The following ZNF808 variants were observed in gnomAD, a reference collection of about 807,000 sequenced individuals.
ZNF808 encodes the protein zinc finger protein 808.
A neutral mutation model predicts 8.7 loss-of-function variants in ZNF808; 5 were observed. The observed-to-expected ratio is 0.58, with a 90% CI of 0.30 to 1.21. The LOEUF (loss-of-function observed/expected upper bound fraction) is 1.21, where lower values mean the gene tolerates loss of function less well. Among genes scored for constraint, ZNF808 ranks in the 50% most tolerant of loss-of-function variants. The pLI is 0.07. For synonymous variants in ZNF808, 380 were observed against 366.0 expected (o/e 1.04, Z -0.44); for missense variants, 1,103 against 1,098.4 (o/e 1.00, Z -0.06).
intron 1 of ZNF808, among the ~76,000 whole-genome samples, chr19:52,530,528 T>G (rs1339699159): frequency 6.6e-6 from 1 of 152,076 alleles, no homozygotes; most frequent in Non-Finnish European, 1.5e-5. Flanking sequence ...CCAGGCATGG[T>G]GGCAGATGCC....
At chr19:52,543,632 C>A (rs2059693803) in intron 3 of ZNF808, among the ~76,000 whole-genome samples, 1 of 152,104 alleles carries the variant, frequency 6.6e-6, no homozygotes, top group Admixed American at 6.6e-5. Context: ...GGGGTGTGGG[C>A]CCGTTGATGT....
At chr19:52,557,746 A>G (rs2059842978), downstream of ZNF808, among the ~76,000 whole-genome samples, 1 of 152,182 alleles carries the variant, frequency 6.6e-6, no homozygotes, top group Non-Finnish European at 1.5e-5. Context: ...AATCTTGCAA[A>G]AGAAGTTTCT....
rs1205044682 is a variant in ZNF808 at position 52,556,332 on chromosome 19, T to C, written c.*704T>C. On this transcript the variant is annotated 3_prime_UTR_variant, in exon 5 of 5. Coordinates refer to ENST00000359798, the MANE Select transcript of ZNF808 (RefSeq NM_001039886.4). Reference sequence around the variant, plus strand: ...TGTTTCTTATTTTCTTATTTATTTATTTATTTATTTTGAGATGGAGTGTCA... The same window carrying C: ...TGTTTCTTATTTTCTTATTTATTTACTTATTTATTTTGAGATGGAGTGTCA... 6.0e-6 allele frequency: 1 copy of C among 166,830 alleles called. No individual in the cohort carries two copies. The highest frequency in any genetic ancestry group is 1.3e-5 in the Non-Finnish European group (1 of 77,396). The allele number at this position is 166,830 out of a possible 1,614,324, so 10.3% of individuals were successfully genotyped here.
chr19:52,559,507 G>C (rs1326706262), downstream of ZNF808, among the ~76,000 whole-genome samples: 2 of 152,056 alleles, frequency 1.3e-5, no homozygotes, highest in Non-Finnish European at 2.9e-5. Flanking sequence ...TCAGAGGCCG[G>C]TGCAGGCGCG....
At chr19:52,531,947 A>G (rs989011638) in intron 1 of ZNF808, among the ~76,000 whole-genome samples, 19 of 152,174 alleles carry the variant, frequency 1.2e-4, no homozygotes, top group Admixed American at 1.2e-3. Context: ...CATGTATTTC[A>G]GTCTTATAGT....
intron 4 of ZNF808, among the ~76,000 whole-genome samples, chr19:52,549,535 T>C (rs2059754974): frequency 6.6e-6 from 1 of 152,168 alleles, no homozygotes; most frequent in African/African-American, 2.4e-5. Flanking sequence ...CCCTTGCCCA[T>C]ATTGTAATTT....
intron 2 of ZNF808, 28 bp from the exon 3 acceptor site, chr19:52,543,238 A>T (rs1300190387): frequency 6.2e-7 from 1 of 1,608,076 alleles, no homozygotes; most frequent in African/African-American, 1.3e-5. Context: ...CATTTCTAAC[A>T]TGAAGTCTTA....
intron 2 of ZNF808, chr19:52,536,042 G>A (rs55680236): frequency 0.017 from 2,774 of 166,240 alleles, 76 homozygotes; most frequent in African/African-American, 0.063. Context: ...GTCGTACCGC[G>A]GCGCGTGAGT....
chr19:52,564,458 A>C, exon 4 of ZNF808: 1 of 231,778 alleles, frequency 4.3e-6, no homozygotes, highest in Non-Finnish European at 8.3e-6. Flanking sequence ...TAGATTACCT[A>C]AATTTCTGTT....
intron 4 of ZNF808, 108 bp downstream of exon 4, chr19:52,547,746 T>TG: frequency 3.3e-6 from 5 of 1,517,306 alleles, no homozygotes; most frequent in African/African-American, 2.8e-5. Flanking sequence ...CTGGTTTTTT[T>TG]TTTTTTTTTT....
chr19:52,536,124 C>T, intron 2 of ZNF808: 1 of 153,126 alleles, frequency 6.5e-6, no homozygotes, highest in Non-Finnish European at 1.5e-5. Flanking sequence ...GTGGGGTCCC[C>T]ACGGACCTGG....
chr19:52,553,772 C>T lies in ZNF808; in HGVS notation c.856C>T (p.Pro286Ser). ...TCGTAGATGTCACACTGGAGAGAAA[C>T]CTTACAAGTGTAAAGAGTGTGGAAA... ...CHRRCHTGEK[P>S]YKCKECGKSF... The change falls in exon 5 of 5, where the codon CCT becomes TCT. Residue 286 changes from proline to serine, a missense_variant. Physicochemically the swap from Pro to Ser is moderately conservative, Grantham distance 74. Transcript: ENST00000359798. 3.7e-6 allele frequency: 6 copies of T among 1,614,096 alleles called. No homozygotes were observed. The highest frequency in any genetic ancestry group is 1.3e-5 in the African/African-American group (1 of 75,016).
rs756952792 is a variant in ZNF808 at position 52,554,524 on chromosome 19, G to C, written c.1608G>C (p.Glu536Asp). 2.5e-6 allele frequency: 4 copies of C among 1,614,138 alleles called. No individual in the cohort carries two copies. Among genetic ancestry groups the C allele is most frequent in the Non-Finnish European group, 3.4e-6 (4 of 1,180,016 alleles). ...ACCATCGTAGACTTCACACTCTAGA[G>C]AAATCTTACAAATGTACGGTTTGTA... Reference protein sequence around the residue: ...LVYHRRLHTLEKSYKCTVCNK... With the variant: ...LVYHRRLHTLDKSYKCTVCNK... The change falls in exon 5 of 5, where the codon GAG (glutamate) becomes GAC (aspartate). Residue 536 changes from glutamate (E) to aspartate (D), a missense_variant. By Grantham distance (45) the Glu-to-Asp change is conservative. Transcript: ENST00000359798.
Position 52,555,033 on chromosome 19 carries a change from C to T in ZNF808, c.2117C>T (p.Pro706Leu), listed in dbSNP as rs1267141093. ...KHTRIHSGMK[P>L]YKCNECSKTF... ...ACTAGAATTCACAGTGGAATGAAAC[C>T]TTACAAGTGTAATGAGTGCAGCAAG... is the stretch of plus-strand genomic sequence containing the variant. The change falls in exon 5 of 5, where the codon CCT becomes CTT. Residue 706 changes from proline (P) to leucine (L), a missense_variant. Transcript: ENST00000359798. The T allele has an allele frequency of 6.2e-7, 1 of 1,613,898 alleles. No individual in the cohort carries two copies.
chr19:52,565,482 A>T (rs1253838345), downstream of ZNF808, among the ~76,000 whole-genome samples: 1 of 151,792 alleles, frequency 6.6e-6, no homozygotes, highest in African/African-American at 2.4e-5. Flanking sequence ...TGTGGGCCTC[A>T]AGATCTCCAC....
chr19:52,529,423 A>G (rs1025595836), intron 1 of ZNF808, among the ~76,000 whole-genome samples: 8 of 152,134 alleles, frequency 5.3e-5, no homozygotes, highest in African/African-American at 9.7e-5. Context: ...AGATCAGTGG[A>G]TGAGTTCATT....
intron 2 of ZNF808, among the ~76,000 whole-genome samples, chr19:52,533,727 A>G (rs1184035965): frequency 1.3e-5 from 2 of 150,490 alleles, no homozygotes; most frequent in African/African-American, 4.9e-5. Context: ...ATGGTGGCAC[A>G]TGCCTGTAGT....
At chr19:52,542,150 A>G (rs977453275) in intron 2 of ZNF808, among the ~76,000 whole-genome samples, 4 of 151,702 alleles carry the variant, frequency 2.6e-5, no homozygotes, top group African/African-American at 9.7e-5. Context: ...CTGGAGTGCA[A>G]TGCCACGATC....
rs2059793964 is a variant in ZNF808 at position 52,553,133 on chromosome 19, G to A, written c.217G>A (p.Glu73Lys). 1 of 1,568,808 alleles carries A rather than the reference G, an allele frequency of 6.4e-7. No homozygotes were observed. Reference protein sequence around the residue: ...VDISSKHMMKEVLSTGQGNRE... With the variant: ...VDISSKHMMKKVLSTGQGNRE... ...TATCTCTTCCAAACACATGATGAAG[G>A]AGGTCTTGTCAACAGGGCAAGGCAA... Residue 73 changes from glutamate to lysine, a missense_variant, in exon 5 of 5, where the codon GAG (glutamate) becomes AAG (lysine). By Grantham distance (56) the Glu-to-Lys change is moderately conservative (BLOSUM62 1). Coordinates refer to ENST00000359798, the MANE Select transcript of ZNF808 (RefSeq NM_001039886.4).
Sources: allele counts gnomAD v4.1 joint callset (sites outside exome capture counted in the v4.1 genomes callset), GRCh38; gene constraint gnomAD v4.1.1; transcripts MANE v1.5; gene names NCBI Gene and HGNC (gene_info 2026-07-23, HGNC 2026-07-21).